PEX2: variants seen among roughly 807,000 people sequenced by gnomAD.
PEX2 encodes peroxisomal biogenesis factor 2.
A neutral mutation model predicts 25.2 loss-of-function variants in PEX2; 19 were observed. That is an observed-to-expected ratio of 0.75 (90% confidence interval 0.53 to 1.10). The LOEUF (loss-of-function observed/expected upper bound fraction) is 1.10, where lower values mean the gene tolerates loss of function less well. Ranked by LOEUF, PEX2 falls within the 50% of genes least tolerant of loss-of-function variation. The probability of loss-of-function intolerance (pLI) is 0.00; values close to 1 mark genes in which losing one functional copy is unlikely to be tolerated. For missense variants in PEX2, 347 were observed against 350.6 expected (o/e 0.99, Z 0.08); for synonymous variants, 141 against 127.7 (o/e 1.10, Z -0.70).
rs1157088373 is a variant in PEX2 at position 76,982,397 on chromosome 8, G to A, written c.*864C>T. On this transcript the variant is annotated 3_prime_UTR_variant, in exon 4 of 4. Transcript: ENST00000357039. Reference sequence around the variant, plus strand: ...TACTAGTTGCCCCCAGTAGTTCCCAGGCCTCACTTCCAAGCTGCCTTAAGT... The same window carrying A: ...TACTAGTTGCCCCCAGTAGTTCCCAAGCCTCACTTCCAAGCTGCCTTAAGT... The A allele has an allele frequency of 6.6e-6, 1 of 152,180 alleles. No homozygotes were observed. The highest frequency in any genetic ancestry group is 6.5e-5 in the Admixed American group (1 of 15,274). 9.4% of individuals were successfully genotyped at this position (152,180 alleles called of 1,614,324 possible).
rs1034486522 is a variant in PEX2, at chr8:76,981,075, T to C, written c.*2186A>G. ...TCACTTAATGAACTCAGATTCAACA[T>C]TGCATTATTCACAACAGAAAGTGAA... On this transcript the variant is annotated 3_prime_UTR_variant, in exon 4 of 4. Transcript: ENST00000357039. 7.2e-5 allele frequency: 11 copies of C among 152,266 alleles called. No homozygotes were observed. The highest frequency in any genetic ancestry group is 2.4e-4 in the African/African-American group (10 of 41,474). 9.4% of individuals were successfully genotyped at this position (152,266 alleles called of 1,614,324 possible).
intron 3 of PEX2, among the ~76,000 whole-genome samples, chr8:76,984,694 GGT>G (rs895510794): frequency 4.5e-4 from 68 of 152,032 alleles, no homozygotes; most frequent in African/African-American, 1.6e-3. Context: ...TGACTCCAAA[GGT>G]GTTATTTTTT....
At chr8:76,992,083 A>T (rs1807188104) in intron 1 of PEX2, among the ~76,000 whole-genome samples, 2 of 152,146 alleles carry the variant, frequency 1.3e-5, no homozygotes, top group South Asian at 4.1e-4. Flanking sequence ...ACATAATGTC[A>T]CCCTTATGTG....
intron 2 of PEX2, among the ~76,000 whole-genome samples, chr8:76,987,676 T>C (rs1807045831): frequency 6.6e-6 from 1 of 152,130 alleles, no homozygotes. Context: ...GAGAAACTAA[T>C]GATGGCCTAA....
At chr8:76,989,083 G>A (rs1003027070) in intron 1 of PEX2, among the ~76,000 whole-genome samples, 4 of 151,350 alleles carry the variant, frequency 2.6e-5, no homozygotes, top group Admixed American at 6.6e-5. Context: ...GGAGGCTGAC[G>A]CAGGAGAGTT....
chr8:76,997,591 T>G (rs934743624), intron 1 of PEX2, among the ~76,000 whole-genome samples: 13 of 152,260 alleles, frequency 8.5e-5, no homozygotes, highest in African/African-American at 3.1e-4. Flanking sequence ...AGACAGTGGT[T>G]AGGCATAATC....
chr8:76,984,019 G>A lies in PEX2; in HGVS notation c.160C>T (p.Pro54Ser), dbSNP rs1806927848. The stretch of plus-strand genomic sequence containing the variant: ...ACCCATAAGCACGCTTTCACCTCTG[G>A]CTCAAAGCGAGCTAACAGCCCAGGT... ...FKPGLLARFE[P>S]EVKACLWVFL... Residue 54 changes from proline (P) to serine (S), a missense_variant, in exon 4 of 4, where the codon CCA becomes TCA. Coordinates refer to ENST00000357039, the MANE Select transcript of PEX2 (RefSeq NM_000318.3). 2 of 1,613,644 alleles carry A rather than the reference G, an allele frequency of 1.2e-6. No homozygotes were observed. The highest frequency in any genetic ancestry group is 2.7e-5 in the African/African-American group (2 of 74,978).
At chr8:77,000,089 C>G (rs868714021), upstream of PEX2, 17 of 389,512 alleles carry the variant, frequency 4.4e-5, no homozygotes, top group African/African-American at 3.4e-4. Flanking sequence ...ACCAAGGCTT[C>G]CGGAACTCGC....
At chr8:76,990,028 T>C (rs1203317415) in intron 1 of PEX2, among the ~76,000 whole-genome samples, 1 of 152,236 alleles carries the variant, frequency 6.6e-6, no homozygotes, top group African/African-American at 2.4e-5. Context: ...TTGTCTAGCG[T>C]AGTCACCTTC....
At chr8:76,989,532 T>C (rs1333279334) in intron 1 of PEX2, among the ~76,000 whole-genome samples, 2 of 152,100 alleles carry the variant, frequency 1.3e-5, no homozygotes, top group African/African-American at 2.4e-5. Flanking sequence ...AATGTAGTTC[T>C]TAAAAAAAAA....
In PEX2 at chr8:76,980,747, C is replaced by CA. The variant is rs1429411504; in HGVS notation, c.*2513dup. On this transcript the variant is annotated 3_prime_UTR_variant, in exon 4 of 4. Transcript: ENST00000357039. The stretch of plus-strand genomic sequence containing the variant: ...ATTCTGTGTGAGAATGAAACCGACT[C>CA]AGAGTAATACTGACAACAGCAAAGG... 1.3e-5 allele frequency: 2 copies of CA among 152,168 alleles called. No individual in the cohort carries two copies. Among genetic ancestry groups the CA allele is most frequent in the Non-Finnish European group, 2.9e-5 (2 of 68,028 alleles). The allele number at this position is 152,168 out of a possible 1,614,324, so 9.4% of individuals were successfully genotyped here.
chr8:76,993,195 T>C (rs1807223217), intron 1 of PEX2, among the ~76,000 whole-genome samples: 1 of 152,196 alleles, frequency 6.6e-6, no homozygotes, highest in Admixed American at 6.5e-5. Flanking sequence ...GGAAATTGTA[T>C]TGATTCTGTA....
chr8:76,998,356 A>G (rs1807396737), intron 1 of PEX2, among the ~76,000 whole-genome samples: 2 of 152,234 alleles, frequency 1.3e-5, no homozygotes, highest in African/African-American at 4.8e-5. Flanking sequence ...CATTATGTGC[A>G]TCAAATATAA....
intron 1 of PEX2, among the ~76,000 whole-genome samples, chr8:76,989,287 C>T (rs758490532): frequency 3.4e-4 from 51 of 152,124 alleles, no homozygotes; most frequent in Non-Finnish European, 7.2e-4. Context: ...AGCTCTCTTA[C>T]TATTTCTATC....
upstream of PEX2, among the ~76,000 whole-genome samples, chr8:77,000,618 C>T (rs1474842410): frequency 6.6e-6 from 1 of 152,150 alleles, no homozygotes; most frequent in East Asian, 1.9e-4. Flanking sequence ...TGCCCGCCCT[C>T]GGGGCCTGTG....
upstream of PEX2, among the ~76,000 whole-genome samples, chr8:77,000,522 C>T (rs1450763622): frequency 3.9e-5 from 6 of 152,178 alleles, no homozygotes; most frequent in Admixed American, 3.3e-4. Flanking sequence ...CGGAGGAGGA[C>T]CGGCTGAGGG....
At chr8:76,987,140 C>A (rs1430554616) in intron 2 of PEX2, among the ~76,000 whole-genome samples, 1 of 152,134 alleles carries the variant, frequency 6.6e-6, no homozygotes, top group Non-Finnish European at 1.5e-5. Flanking sequence ...TATAATGGTA[C>A]AACAGACACT....
At chr8:76,988,824 A>C (rs1807079135) in intron 1 of PEX2, among the ~76,000 whole-genome samples, 2 of 152,236 alleles carry the variant, frequency 1.3e-5, no homozygotes, top group South Asian at 4.1e-4. Context: ...ATCCTTTGCT[A>C]TCTTTTCAAC....
At chr8:76,997,767 T>C (rs1661670591) in intron 1 of PEX2, among the ~76,000 whole-genome samples, 2 of 152,112 alleles carry the variant, frequency 1.3e-5, no homozygotes, top group East Asian at 1.9e-4. Context: ...AAGAAGGTAT[T>C]TTTATTGTAT....
Sources: gnomAD v4.1 joint callset for allele counts (sites outside exome capture counted in the v4.1 genomes callset) on GRCh38, gnomAD v4.1.1 for gene constraint, MANE v1.5 for transcripts, NCBI Gene and HGNC (gene_info 2026-07-23, HGNC 2026-07-21) for gene names.